Variants in FSTL5 observed in about 807,000 individuals in gnomAD.
FSTL5 encodes follistatin-related protein 5.
A neutral mutation model predicts 89.1 loss-of-function variants in FSTL5; 62 were observed. That is an observed-to-expected ratio of 0.70 (90% CI 0.57 to 0.86). The LOEUF is 0.86. Ranked by LOEUF, FSTL5 falls within the 40% of genes least tolerant of loss-of-function variation. The pLI is 0.00. For missense variants in FSTL5, 1,057 were observed against 1,001.6 expected, an observed-to-expected ratio of 1.06 and a Z score of -0.75; for synonymous variants, 383 against 346.2, an observed-to-expected ratio of 1.11 and a Z score of -1.18.
intron 3 of FSTL5, among the ~76,000 whole-genome samples, chr4:161,978,590 T>C (rs1735730075): frequency 1.3e-5 from 2 of 152,156 alleles, no homozygotes; most frequent in South Asian, 4.1e-4. Context: ...ATTTATCTTC[T>C]AAGAATAACG....
intron 3 of FSTL5, among the ~76,000 whole-genome samples, chr4:161,976,759 G>A (rs1735660864): frequency 1.3e-5 from 2 of 152,144 alleles, no homozygotes. Flanking sequence ...GGGATTACAG[G>A]CGTGAGCCAT....
Position 161,538,355 on chromosome 4 carries a change from T to C in FSTL5, c.1178-55A>G, listed in dbSNP as rs1463534016. 4 of 1,582,936 alleles carry C rather than the reference T, an allele frequency of 2.5e-6. No individual in the cohort carries two copies. The East Asian group carries it at 6.7e-5, about 27-fold the overall frequency. On this transcript the variant is annotated intron_variant, in intron 9 of 15. Transcript: ENST00000306100. ...AACTACAATTTCAGTTTTGGAACAG[T>C]GCTTTCTGATTACACAGTCAAACAG... is the stretch of plus-strand genomic sequence containing the variant.
chr4:162,005,376 G>T (rs1376852706), intron 3 of FSTL5, among the ~76,000 whole-genome samples: 1 of 152,088 alleles, frequency 6.6e-6, no homozygotes, highest in African/African-American at 2.4e-5. Context: ...TACTTTCAAT[G>T]AGTTATGTCC....
chr4:162,159,498 T>G (rs1386450418), intron 1 of FSTL5, among the ~76,000 whole-genome samples: 1 of 152,062 alleles, frequency 6.6e-6, no homozygotes, highest in Non-Finnish European at 1.5e-5. Flanking sequence ...TGTAATTTAA[T>G]ACCAAAAGCC....
intron 13 of FSTL5, among the ~76,000 whole-genome samples, chr4:161,462,685 T>C (rs1161576515): frequency 1.3e-5 from 2 of 151,928 alleles, no homozygotes; most frequent in Non-Finnish European, 2.9e-5. Context: ...CTGGTGAATA[T>C]TAAGTACCAT....
At chr4:162,137,716 T>C (rs1241196875) in intron 1 of FSTL5, among the ~76,000 whole-genome samples, 1 of 152,208 alleles carries the variant, frequency 6.6e-6, no homozygotes, top group Non-Finnish European at 1.5e-5. Context: ...AAAAGGTTTA[T>C]CCTGTCTACC....
In FSTL5 at chr4:161,766,906, CGATTGATAGATAGATA is replaced by C. The variant is rs201366666; in HGVS notation, c.607-7391_607-7376del. Reference sequence around the variant, plus strand: ...GATAGATAGACAATAGATGATAGATCGATTGATAGATAGATAGATAGATAGATAGATAGATAGATAG... The same window carrying C: ...GATAGATAGACAATAGATGATAGATCGATAGATAGATAGATAGATAGATAG... On this transcript the variant is annotated intron_variant, in intron 5 of 15. Coordinates refer to ENST00000306100, the MANE Select transcript of FSTL5 (RefSeq NM_020116.5). Among the ~76,000 whole-genome samples, 516 of 138,740 alleles carry C rather than the reference CGATTGATAGATAGATA, an allele frequency of 3.7e-3. 3 individuals carry two copies. The highest frequency in any genetic ancestry group is 8.6e-3 in the African/African-American group (340 of 39,404). 91.0% of individuals were successfully genotyped at this position (138,740 alleles called of 152,430 possible).
At chr4:162,046,749 GAATT>G (rs1349883858) in intron 2 of FSTL5, among the ~76,000 whole-genome samples, 1 of 152,052 alleles carries the variant, frequency 6.6e-6, no homozygotes, top group Non-Finnish European at 1.5e-5. Context: ...TATAAATAAT[GAATT>G]AATGATTTGG....
chr4:161,526,453 T>C (rs905999073), intron 10 of FSTL5, among the ~76,000 whole-genome samples: 4 of 152,200 alleles, frequency 2.6e-5, no homozygotes, highest in Admixed American at 6.5e-5. Flanking sequence ...GATATACAAA[T>C]GGGCATACCA....
chr4:161,736,897 G>A (rs906877759), intron 6 of FSTL5, among the ~76,000 whole-genome samples: 2 of 152,050 alleles, frequency 1.3e-5, no homozygotes, highest in Non-Finnish European at 2.9e-5. Context: ...AGCCATATCT[G>A]TACCTCAAAT....
At chr4:161,652,917 T>C (rs1252414387) in intron 7 of FSTL5, among the ~76,000 whole-genome samples, 4 of 152,144 alleles carry the variant, frequency 2.6e-5, no homozygotes, top group Non-Finnish European at 5.9e-5. Context: ...AAATTCACTT[T>C]TGTAAAAATA....
chr4:161,847,101 A>C (rs1347692850), intron 4 of FSTL5, among the ~76,000 whole-genome samples: 3 of 152,178 alleles, frequency 2.0e-5, no homozygotes, highest in Admixed American at 2.0e-4. Flanking sequence ...ATACTATTTA[A>C]TGTCAGAATA....
At chr4:161,581,084 A>T (rs1003530065) in intron 8 of FSTL5, among the ~76,000 whole-genome samples, 1 of 152,180 alleles carries the variant, frequency 6.6e-6, no homozygotes, top group Non-Finnish European at 1.5e-5. Context: ...TTAAAAGAAT[A>T]AAGAGTTGAA....
chr4:161,688,117 C>G (rs546578513), intron 6 of FSTL5, among the ~76,000 whole-genome samples: 1 of 152,200 alleles, frequency 6.6e-6, no homozygotes, highest in South Asian at 2.1e-4. Context: ...GAGTCTCCCT[C>G]TGTCACTCAG....
chr4:161,863,926 G>A (rs561765821), intron 4 of FSTL5, among the ~76,000 whole-genome samples: 1 of 152,074 alleles, frequency 6.6e-6, no homozygotes, highest in Non-Finnish European at 1.5e-5. Flanking sequence ...GATTTTATCA[G>A]TGAAAAAAAT....
intron 4 of FSTL5, among the ~76,000 whole-genome samples, chr4:161,785,368 A>G (rs1165270791): frequency 6.6e-6 from 1 of 151,942 alleles, no homozygotes; most frequent in Non-Finnish European, 1.5e-5. Context: ...AATAAATCAT[A>G]TTTCCCCTAT....
chr4:161,860,101 G>A (rs34906716), intron 4 of FSTL5, among the ~76,000 whole-genome samples: 68,118 of 151,348 alleles, frequency 0.45, 15,641 homozygotes, highest in Admixed American at 0.52. Context: ...ATCCTGGCTA[G>A]CGCAGTGAAA....
At chr4:162,146,074 T>C (rs1414449408) in intron 1 of FSTL5, among the ~76,000 whole-genome samples, 2 of 152,158 alleles carry the variant, frequency 1.3e-5, no homozygotes, top group African/African-American at 4.8e-5. Context: ...ATTCCTGTTT[T>C]GATAATTTCT....
intron 3 of FSTL5, among the ~76,000 whole-genome samples, chr4:162,020,811 A>G (rs1045188995): frequency 1.3e-5 from 2 of 152,162 alleles, no homozygotes. Context: ...ACAAGCAAAG[A>G]TAAAAGTATT....
Sources: gnomAD v4.1 joint callset for allele counts (sites outside exome capture counted in the v4.1 genomes callset) on GRCh38, gnomAD v4.1.1 for gene constraint, MANE v1.5 for transcripts, NCBI Gene and HGNC (gene_info 2026-07-23, HGNC 2026-07-21) for gene names.